Variants in TNRC18 observed in about 807,000 individuals in gnomAD.
TNRC18 encodes the protein trinucleotide repeat-containing gene 18 protein.
In TNRC18, 69 loss-of-function variants were observed where a neutral mutation model predicts 226.7. The ratio of observed to expected loss-of-function variants is 0.30; its 90% CI spans 0.25 to 0.37. TNRC18 has a LOEUF of 0.37. Ranked by LOEUF, TNRC18 falls within the 10% of genes least tolerant of loss-of-function variation. The pLI, the probability that TNRC18 is intolerant of heterozygous loss-of-function variation, is 1.00. For synonymous variants in TNRC18, 2,449 were observed against 1,927.6 expected, an observed-to-expected ratio of 1.27 and a Z score of -7.09; for missense variants, 4,754 against 4,256.6, an observed-to-expected ratio of 1.12 and a Z score of -3.25.
rs749735200 is a variant in TNRC18 at position 5,371,179 on chromosome 7, T to G, written c.3415A>C (p.Lys1139Gln). ...EDKPIRLSPS[K>Q]ITEPLREGPE... is the part of the protein sequence containing the mutation. ...CCCTCCCGCAGCGGCTCTGTGATCT[T>G]GGAGGGGGACAAGCGGATGGGCTTG... The change falls in exon 11 of 30, where the codon AAG (lysine) becomes CAG (glutamine). Residue 1139 changes from lysine to glutamine, a missense_variant. Physicochemically the swap from Lys to Gln is moderately conservative, Grantham distance 53. Coordinates refer to ENST00000430969, the MANE Select transcript of TNRC18 (RefSeq NM_001080495.3). 6.2e-7 allele frequency: 1 copy of G among 1,606,666 alleles called. No individual in the cohort carries two copies. The highest frequency in any genetic ancestry group is 8.5e-7 in the Non-Finnish European group (1 of 1,174,794).
Position 5,387,672 on chromosome 7 carries a change from C to G in TNRC18, c.2152G>C (p.Gly718Arg). ...ERSLSLSNVK[G>R]HGRADEDCVD... is the part of the protein sequence containing the mutation. ...CACCTGGGCTCTGCCCAGGACCTACCTTTGACGTTACTCAGCGACAGAGAG... is the reference window on the plus strand; with the variant it reads ...CACCTGGGCTCTGCCCAGGACCTACGTTTGACGTTACTCAGCGACAGAGAG... The change falls in exon 5 of 30, where the codon GGG becomes CGG. Residue 718 changes from glycine to arginine, a missense_variant and splice_region_variant. Coordinates refer to ENST00000430969, the MANE Select transcript of TNRC18 (RefSeq NM_001080495.3). 1 of 1,603,496 alleles carries G rather than the reference C, an allele frequency of 6.2e-7. No individual in the cohort carries two copies.
At chr7:5,406,202 C>T (rs920710970) in intron 2 of TNRC18, among the ~76,000 whole-genome samples, 2 of 152,120 alleles carry the variant, frequency 1.3e-5, no homozygotes, top group South Asian at 2.1e-4. Context: ...CAGTGGCTCA[C>T]GCCTGTAATC....
intron 14 of TNRC18, among the ~76,000 whole-genome samples, chr7:5,359,872 C>T (rs1051946250): frequency 6.6e-6 from 1 of 152,104 alleles, no homozygotes. Context: ...TACCTATTTA[C>T]CAAATCGTGC....
chr7:5,398,116 T>C (rs544185768), intron 2 of TNRC18, among the ~76,000 whole-genome samples: 2 of 152,016 alleles, frequency 1.3e-5, no homozygotes, highest in Admixed American at 1.3e-4. Context: ...TCCTCCAGCC[T>C]CAGCCTCTTG....
chr7:5,351,115 A>G (rs1218496635), intron 17 of TNRC18, among the ~76,000 whole-genome samples: 2 of 152,076 alleles, frequency 1.3e-5, no homozygotes, highest in African/African-American at 4.8e-5. Flanking sequence ...ATGAATGCCA[A>G]TCGCTACCAG....
intron 18 of TNRC18, among the ~76,000 whole-genome samples, chr7:5,345,136 T>C (rs754733309): frequency 2.0e-5 from 3 of 152,116 alleles, no homozygotes; most frequent in Non-Finnish European, 4.4e-5. Context: ...TCTCTCTTCT[T>C]TCTACCGTGA....
chr7:5,329,528 C>A (rs1229393112), intron 19 of TNRC18, among the ~76,000 whole-genome samples: 7 of 151,182 alleles, frequency 4.6e-5, no homozygotes, highest in South Asian at 2.1e-4. Context: ...TACTAAAATA[C>A]AAAAATTAGC....
Position 5,388,390 on chromosome 7 carries a change from C to T in TNRC18, c.1434G>A (p.Ala478=). 2.6e-6 allele frequency: 4 copies of T among 1,517,084 alleles called. No homozygotes were observed. The highest frequency in any genetic ancestry group is 3.5e-6 in the Non-Finnish European group (4 of 1,139,670). 94.0% of individuals were successfully genotyped at this position (1,517,084 alleles called of 1,614,324 possible). ...CTGCAGGACCGGCTGGGCCGCGGGG[C>T]GCACGCTCGCAGGGCCTCGGGTCCG... is the stretch of plus-strand genomic sequence containing the variant. The part of the protein sequence containing the change: ...PEADPRPCER[A]PRGPAGPAAQ... The change falls in exon 5 of 30, where the codon GCG becomes GCA. Residue 478 remains alanine (A), a synonymous_variant. Coordinates refer to ENST00000430969, the MANE Select transcript of TNRC18 (RefSeq NM_001080495.3).
chr7:5,324,984 G>T lies in TNRC18; in HGVS notation c.6300+112C>A. 1 of 1,311,154 alleles carries T rather than the reference G, an allele frequency of 7.6e-7. No individual in the cohort carries two copies. Among genetic ancestry groups the T allele is most frequent in the Non-Finnish European group, 1.0e-6 (1 of 976,444 alleles). The allele number at this position is 1,311,154 out of a possible 1,614,324, so 81.2% of individuals were successfully genotyped here. A position where few individuals can be genotyped will look rare whatever the true frequency, so the allele number is the denominator to read the frequency against. On this transcript the variant is annotated intron_variant, in intron 20 of 29. Coordinates refer to ENST00000430969, the MANE Select transcript of TNRC18 (RefSeq NM_001080495.3). This position sits in a 1 kb window ranked among gnomAD's most constrained non-coding sequence, Gnocchi z 4.8. Reference sequence around the variant, plus strand: ...CCCTCGTCACCCGCAACCTCTCTGAGCCACAGCTATAGGGAGGGTGAATAC... The same window carrying T: ...CCCTCGTCACCCGCAACCTCTCTGATCCACAGCTATAGGGAGGGTGAATAC...
chr7:5,331,115 T>A (rs1389188424), intron 19 of TNRC18, among the ~76,000 whole-genome samples: 1 of 152,204 alleles, frequency 6.6e-6, no homozygotes, highest in African/African-American at 2.4e-5. Flanking sequence ...CCTTCCTCAC[T>A]ACTACCCCTT....
intron 2 of TNRC18, among the ~76,000 whole-genome samples, chr7:5,414,228 T>C (rs1054415401): frequency 2.0e-5 from 3 of 152,044 alleles, no homozygotes; most frequent in Non-Finnish European, 4.4e-5. Flanking sequence ...ATTACAGGCA[T>C]GAACCCCGTG....
Position 5,324,984 on chromosome 7 carries a change from G to C in TNRC18, c.6300+112C>G. ...CCCTCGTCACCCGCAACCTCTCTGAGCCACAGCTATAGGGAGGGTGAATAC... is the reference window on the plus strand; with the variant it reads ...CCCTCGTCACCCGCAACCTCTCTGACCCACAGCTATAGGGAGGGTGAATAC... On this transcript the variant is annotated intron_variant, in intron 20 of 29. Coordinates refer to ENST00000430969, the MANE Select transcript of TNRC18 (RefSeq NM_001080495.3). The surrounding 1 kb of genome is among the most constrained non-coding windows in gnomAD (Gnocchi z 4.8). The C allele has an allele frequency of 7.6e-7, 1 of 1,311,158 alleles. No homozygotes were observed. Among genetic ancestry groups the C allele is most frequent in the Non-Finnish European group, 1.0e-6 (1 of 976,448 alleles). The allele number at this position is 1,311,158 out of a possible 1,614,324, so 81.2% of individuals were successfully genotyped here.
In TNRC18 at chr7:5,325,147, G is replaced by C. The variant is rs777576045; in HGVS notation, c.6249C>G (p.Thr2083=). The part of the protein sequence containing the change: ...EARAPHASSL[T]AAKRSKAKAK... ...CCTTGGCTTTGCTCCTTTTGGCAGC[G>C]GTCAGGGAGCTGGCGTGAGGAGCCC... Residue 2083 remains threonine (T), a synonymous_variant, in exon 20 of 30, where the codon ACC becomes ACG. Transcript: ENST00000430969. 1 of 1,551,456 alleles carries C rather than the reference G, an allele frequency of 6.4e-7. No homozygotes were observed.
Position 5,352,031 on chromosome 7 carries a change from C to G in TNRC18, c.5258G>C (p.Ser1753Thr), listed in dbSNP as rs369234707. Residue 1753 changes from serine to threonine, a missense_variant, in exon 17 of 30, where the codon AGC becomes ACC. By Grantham distance (58) the Ser-to-Thr change is moderately conservative (BLOSUM62 1). Coordinates refer to ENST00000430969, the MANE Select transcript of TNRC18 (RefSeq NM_001080495.3). ...CAGGAGGGAAGGCGTCAGTTTGGAGCTGGAGGGGCCTTGGGCGGGCCACTC... is the reference window on the plus strand; with the variant it reads ...CAGGAGGGAAGGCGTCAGTTTGGAGGTGGAGGGGCCTTGGGCGGGCCACTC... Reference protein sequence around the residue: ...KDEWPAQGPSSSKLTPSLLCS... With the variant: ...KDEWPAQGPSTSKLTPSLLCS... 1 of 1,613,890 alleles carries G rather than the reference C, an allele frequency of 6.2e-7. No individual in the cohort carries two copies. The highest frequency in any genetic ancestry group is 8.5e-7 in the Non-Finnish European group (1 of 1,179,840).
chr7:5,317,273 G>A lies in TNRC18; in HGVS notation c.6746-1201C>T, dbSNP rs182333768. ...CCAGCAAGCAGAAGGAGGGGGGACC[G>A]GGAAGAGAGAGGGAGCTGCAGAAAG... On this transcript the variant is annotated intron_variant, in intron 24 of 29. Transcript: ENST00000430969. Among the ~76,000 whole-genome samples the A allele has an allele frequency of 2.5e-3, 373 of 152,136 alleles. 4 individuals are homozygous for A. The highest frequency in any genetic ancestry group is 1.4e-3 in the East Asian group (7 of 5,164).
chr7:5,374,163 GCGGTGGGGAGGCGGGCGGCGGGCTGGT>G lies in TNRC18; in HGVS notation c.3094_3120del (p.Thr1032_Pro1040del). On this transcript the variant is annotated inframe_deletion, in exon 10 of 30. Coordinates refer to ENST00000430969, the MANE Select transcript of TNRC18 (RefSeq NM_001080495.3). ...TCCTTGCGGGTGATACCCGGGGTGGGCGGTGGGGAGGCGGGCGGCGGGCTGGTGGGGTGGGAGCTGGGGGTGGCGGGG... is the reference window on the plus strand; with the variant it reads ...TCCTTGCGGGTGATACCCGGGGTGGGGGGGTGGGAGCTGGGGGTGGCGGGG... 1 of 1,466,708 alleles carries G rather than the reference GCGGTGGGGAGGCGGGCGGCGGGCTGGT, an allele frequency of 6.8e-7. No individual in the cohort carries two copies. The highest frequency in any genetic ancestry group is 9.0e-7 in the Non-Finnish European group (1 of 1,111,482). 90.9% of individuals were successfully genotyped at this position (1,466,708 alleles called of 1,614,324 possible).
rs750627680 is a variant in TNRC18, at chr7:5,321,066, C to T, written c.6560+7G>A. 4.6e-6 allele frequency: 7 copies of T among 1,536,004 alleles called. No homozygotes were observed. The South Asian group carries it at 4.8e-5, about 11-fold the overall frequency. ...GGGCTCTGTGCCGGACCTCCCACCC[C>T]ACTCACATGTCTGGCGAGTGCACGG... On this transcript the variant is annotated splice_region_variant and intron_variant, in intron 22 of 29. Transcript: ENST00000430969.
intron 2 of TNRC18, among the ~76,000 whole-genome samples, chr7:5,407,980 A>G (rs1473249603): frequency 6.6e-6 from 1 of 152,236 alleles, no homozygotes; most frequent in Non-Finnish European, 1.5e-5. Context: ...GAGACTGCAC[A>G]GTATTTGATC....
In TNRC18 at chr7:5,332,690, C is replaced by A; in HGVS notation, c.6079G>T (p.Ala2027Ser). 2 of 1,530,070 alleles carry A rather than the reference C, an allele frequency of 1.3e-6. No individual in the cohort carries two copies. The highest frequency in any genetic ancestry group is 2.8e-5 in the African/African-American group (2 of 70,730). 94.8% of individuals were successfully genotyped at this position (1,530,070 alleles called of 1,614,324 possible). A position where few individuals can be genotyped will look rare whatever the true frequency, so the allele number is the denominator to read the frequency against. ...CGCGGGCTCAGGGGGCCGCCCTTGGCGCAGCGGCTGGTCTTGGTGGCGGGC... is the reference window on the plus strand; with the variant it reads ...CGCGGGCTCAGGGGGCCGCCCTTGGAGCAGCGGCTGGTCTTGGTGGCGGGC... The part of the protein sequence containing the change: ...TAPATKTSRC[A>S]KGGPLSPRKD... Residue 2027 changes from alanine (A) to serine (S), a missense_variant, in exon 19 of 30, where the codon GCC (alanine) becomes TCC (serine). Physicochemically the swap from Ala to Ser is moderately conservative, Grantham distance 99. Transcript: ENST00000430969.
Sources: allele counts gnomAD v4.1 joint callset (sites outside exome capture counted in the v4.1 genomes callset), GRCh38; gene constraint gnomAD v4.1.1; non-coding constraint Gnocchi (gnomAD v3.1); transcripts MANE v1.5; gene names NCBI Gene and HGNC (gene_info 2026-07-23, HGNC 2026-07-21).